Variants in SPAG16 observed in about 807,000 individuals in gnomAD.
SPAG16 encodes the protein sperm-associated antigen 16 protein.
Under a neutral mutation model 80.4 loss-of-function variants are expected in SPAG16, and 86 were observed. That is an observed-to-expected ratio of 1.07 (90% CI 0.90 to 1.28). The LOEUF (loss-of-function observed/expected upper bound fraction) is 1.28. Ranked by LOEUF, SPAG16 falls within the 50% of genes most tolerant of loss-of-function variation. SPAG16 has a pLI of 0.00. For synonymous variants in SPAG16, 294 were observed against 265.9 expected (o/e 1.11, Z -1.03); for missense variants, 870 against 765.3 (o/e 1.14, Z -1.61).
At chr2:214,401,499 T>C (rs1318741976) in intron 15 of SPAG16, among the ~76,000 whole-genome samples, 3 of 151,980 alleles carry the variant, frequency 2.0e-5, no homozygotes, top group African/African-American at 7.2e-5. Flanking sequence ...ATGAGACTCA[T>C]TTGAATAAAA....
At chr2:213,752,861 G>A (rs987827734) in intron 10 of SPAG16, among the ~76,000 whole-genome samples, 18 of 152,130 alleles carry the variant, frequency 1.2e-4, no homozygotes, top group African/African-American at 4.1e-4. Flanking sequence ...ACAGTATAGA[G>A]AGACTCCAGT....
intron 10 of SPAG16, among the ~76,000 whole-genome samples, chr2:213,790,651 A>G (rs2070639462): frequency 6.6e-6 from 1 of 151,956 alleles, no homozygotes; most frequent in Non-Finnish European, 1.5e-5. Context: ...ATGTGAGCAT[A>G]CCAGTATTGT....
chr2:213,870,255 G>T (rs1323140310), intron 11 of SPAG16, among the ~76,000 whole-genome samples: 3 of 152,034 alleles, frequency 2.0e-5, no homozygotes, highest in Non-Finnish European at 2.9e-5. Flanking sequence ...CTTTATAATG[G>T]CATAAGACTG....
intron 15 of SPAG16, among the ~76,000 whole-genome samples, chr2:214,193,752 C>T (rs538119996): frequency 7.2e-5 from 11 of 152,002 alleles, no homozygotes; most frequent in Non-Finnish European, 1.6e-4. Flanking sequence ...ATTTCATGAC[C>T]TCAGACACTT....
intron 9 of SPAG16, among the ~76,000 whole-genome samples, chr2:213,442,808 C>T (rs2071055504): frequency 6.6e-6 from 1 of 152,084 alleles, no homozygotes; most frequent in African/African-American, 2.4e-5. Context: ...AACTATGAAA[C>T]TCCTAGAATA....
intron 10 of SPAG16, among the ~76,000 whole-genome samples, chr2:213,643,041 A>ATG (rs1385835021): frequency 2.6e-5 from 3 of 115,454 alleles, no homozygotes; most frequent in Non-Finnish European, 3.4e-5. Flanking sequence ...CTTTATATGT[A>ATG]TGTGTGTGTG....
chr2:214,123,458 G>A (rs2054317240), intron 14 of SPAG16, among the ~76,000 whole-genome samples: 1 of 151,780 alleles, frequency 6.6e-6, no homozygotes, highest in Non-Finnish European at 1.5e-5. Flanking sequence ...AAACCTTTTG[G>A]CATATATGAA....
intron 13 of SPAG16, among the ~76,000 whole-genome samples, chr2:214,037,900 T>TGTGTGTGA (rs2048794575): frequency 1.3e-5 from 2 of 151,262 alleles, no homozygotes; most frequent in African/African-American, 4.9e-5. Flanking sequence ...TGTGTGTGTG[T>TGTGTGTGA]GTGTGTGTGT....
chr2:213,978,476 C>T (rs1224294690), intron 12 of SPAG16, among the ~76,000 whole-genome samples: 3 of 152,124 alleles, frequency 2.0e-5, no homozygotes, highest in Non-Finnish European at 4.4e-5. Flanking sequence ...TCTTAAAACC[C>T]TTCTACCTAC....
intron 10 of SPAG16, among the ~76,000 whole-genome samples, chr2:213,605,001 CT>C (rs1231314050): frequency 6.7e-6 from 1 of 150,056 alleles, no homozygotes; most frequent in East Asian, 1.9e-4. Flanking sequence ...GTTCTATTAT[CT>C]TTTTCGCATC....
At chr2:213,852,900 T>G (rs1246136525) in intron 10 of SPAG16, among the ~76,000 whole-genome samples, 1 of 152,232 alleles carries the variant, frequency 6.6e-6, no homozygotes, top group Admixed American at 6.5e-5. Context: ...GAAAGTACTT[T>G]ATATAAATGC....
intron 10 of SPAG16, among the ~76,000 whole-genome samples, chr2:213,670,710 T>G (rs1292063644): frequency 6.6e-6 from 1 of 152,202 alleles, no homozygotes; most frequent in Non-Finnish European, 1.5e-5. Flanking sequence ...GAGCACTAAT[T>G]TCTTCACATT....
chr2:213,888,684 T>C (rs1414958706), intron 11 of SPAG16, among the ~76,000 whole-genome samples: 3 of 151,934 alleles, frequency 2.0e-5, no homozygotes, highest in African/African-American at 7.2e-5. Flanking sequence ...AATTTACTCC[T>C]AACCTTTTCT....
intron 15 of SPAG16, among the ~76,000 whole-genome samples, chr2:214,175,331 A>C (rs1559105840): frequency 9.0e-6 from 1 of 111,140 alleles, no homozygotes; most frequent in African/African-American, 2.7e-5. Flanking sequence ...ATATATATAA[A>C]GAAATATATA....
chr2:213,597,801 G>A (rs1241233623), intron 10 of SPAG16, among the ~76,000 whole-genome samples: 1 of 152,084 alleles, frequency 6.6e-6, no homozygotes, highest in East Asian at 1.9e-4. Flanking sequence ...ATTTTAAGAT[G>A]GCTATTCAGA....
intron 10 of SPAG16, among the ~76,000 whole-genome samples, chr2:213,521,003 T>A (rs1446468143): frequency 6.6e-6 from 1 of 152,168 alleles, no homozygotes; most frequent in Non-Finnish European, 1.5e-5. Flanking sequence ...GGGAGTGCCA[T>A]CTGCCAGATG....
intron 9 of SPAG16, among the ~76,000 whole-genome samples, chr2:213,458,979 C>A (rs2072201370): frequency 2.0e-5 from 3 of 152,142 alleles, no homozygotes; most frequent in Non-Finnish European, 2.9e-5. Flanking sequence ...AAATTCTCAG[C>A]CATTATCTCC....
intron 10 of SPAG16, among the ~76,000 whole-genome samples, chr2:213,763,475 A>T (rs2068768770): frequency 6.6e-6 from 1 of 152,208 alleles, no homozygotes; most frequent in South Asian, 2.1e-4. Flanking sequence ...GTATTCAAGT[A>T]GTCAAACTCA....
intron 13 of SPAG16, among the ~76,000 whole-genome samples, chr2:214,084,450 C>T (rs955299567): frequency 1.4e-4 from 22 of 152,128 alleles, no homozygotes; most frequent in African/African-American, 4.8e-4. Flanking sequence ...CATGAACTCC[C>T]CCTAAACCAA....
Sources: gnomAD v4.1 joint callset for allele counts (sites outside exome capture counted in the v4.1 genomes callset) on GRCh38, gnomAD v4.1.1 for gene constraint, MANE v1.5 for transcripts, NCBI Gene and HGNC (gene_info 2026-07-23, HGNC 2026-07-21) for gene names.